The following ADAMTSL1 variants were observed in gnomAD, a reference collection of about 807,000 sequenced individuals.
ADAMTSL1 encodes the protein ADAMTS-like protein 1.
ADAMTSL1 carries 126 observed loss-of-function variants against 201.8 expected under a neutral mutation model. That is an observed-to-expected ratio of 0.62 (90% CI 0.54 to 0.72). ADAMTSL1 has a LOEUF of 0.72. Among genes scored for constraint, ADAMTSL1 ranks in the 30% least tolerant of loss-of-function variants. The probability of loss-of-function intolerance (pLI) is 0.00; values close to 1 mark genes in which losing one functional copy is unlikely to be tolerated. For missense variants in ADAMTSL1, 2,679 were observed against 2,277.8 expected (o/e 1.18, Z -3.59); for synonymous variants, 1,121 against 903.4 (o/e 1.24, Z -4.32).
chr9:18,262,792 T>G (rs1831973342), intron 2 of ADAMTSL1, among the ~76,000 whole-genome samples: 1 of 152,172 alleles, frequency 6.6e-6, no homozygotes, highest in South Asian at 2.1e-4. Flanking sequence ...TTTCTGCAAG[T>G]AGGAGAGCAA....
At chr9:18,399,330 A>ATATAT (rs1817890325) in intron 2 of ADAMTSL1, among the ~76,000 whole-genome samples, 2 of 56,626 alleles carry the variant, frequency 3.5e-5, no homozygotes, top group Non-Finnish European at 7.2e-5. Context: ...TATATATATA[A>ATATAT]AATTATTATT....
chr9:18,796,486 C>G (rs548829115), intron 20 of ADAMTSL1: 6 of 152,280 alleles, frequency 3.9e-5, no homozygotes, highest in African/African-American at 1.4e-4. Context: ...CTAGAAAAGC[C>G]AACATCACCC....
intron 6 of ADAMTSL1, among the ~76,000 whole-genome samples, chr9:18,637,233 G>A (rs1827160456): frequency 1.3e-5 from 2 of 152,118 alleles, no homozygotes. Context: ...GTGTTCACAT[G>A]TCAAAAGATA....
At chr9:18,080,501 G>A (rs1258357338) in intron 1 of ADAMTSL1, among the ~76,000 whole-genome samples, 45 of 152,170 alleles carry the variant, frequency 3.0e-4, no homozygotes, top group Admixed American at 2.9e-3. Context: ...GAAAGGGTAT[G>A]GACAGCAGCC....
chr9:18,844,110 T>C (rs980141409), intron 23 of ADAMTSL1, among the ~76,000 whole-genome samples: 1 of 152,254 alleles, frequency 6.6e-6, no homozygotes, highest in African/African-American at 2.4e-5. Flanking sequence ...GGAGAGGTGC[T>C]CTGTTTTTTA....
intron 2 of ADAMTSL1, among the ~76,000 whole-genome samples, chr9:18,368,361 G>A (rs1836878730): frequency 6.6e-6 from 1 of 152,190 alleles, no homozygotes. Context: ...CATGCTGACT[G>A]CTGTGGTAAC....
In ADAMTSL1 at chr9:18,392,691, T is replaced by A. The variant is rs372458993; in HGVS notation, c.208-112138T>A. ...GTAGGATGATGGAATCAACCAATCC[T>A]GTAGCTTGTAGAATTATGCAAAATA... is the stretch of plus-strand genomic sequence containing the variant. On this transcript the variant is annotated intron_variant, in intron 2 of 29. Transcript: ENST00000680146. Among the ~76,000 whole-genome samples, 161 of 152,346 alleles carry A rather than the reference T, an allele frequency of 1.1e-3. 5 individuals are homozygous for A. In the South Asian group the frequency reaches 0.018, roughly 17 times the overall value.
intron 7 of ADAMTSL1, among the ~76,000 whole-genome samples, chr9:18,644,254 A>G (rs1827636304): frequency 6.6e-6 from 1 of 151,978 alleles, no homozygotes; most frequent in African/African-American, 2.4e-5. Context: ...TTTATTGATT[A>G]GTTCTAAAAG....
At chr9:18,201,330 G>C (rs1005142266) in intron 2 of ADAMTSL1, among the ~76,000 whole-genome samples, 1 of 151,972 alleles carries the variant, frequency 6.6e-6, no homozygotes, top group Admixed American at 6.6e-5. Flanking sequence ...CTACTGTATT[G>C]GATGATGTCG....
intron 2 of ADAMTSL1, among the ~76,000 whole-genome samples, chr9:18,401,080 G>A (rs1036272956): frequency 1.3e-5 from 2 of 152,136 alleles, no homozygotes; most frequent in African/African-American, 2.4e-5. Flanking sequence ...AGAGACTGTG[G>A]CCATTAACCA....
intron 20 of ADAMTSL1, among the ~76,000 whole-genome samples, chr9:18,802,909 G>A (rs572477521): frequency 5.3e-5 from 8 of 152,156 alleles, no homozygotes; most frequent in African/African-American, 7.2e-5. Flanking sequence ...CCTCATGAGC[G>A]TGAAGTAGTA....
At chr9:18,047,426 C>G (rs1821714129) in intron 1 of ADAMTSL1, among the ~76,000 whole-genome samples, 1 of 152,082 alleles carries the variant, frequency 6.6e-6, no homozygotes, top group Non-Finnish European at 1.5e-5. Flanking sequence ...GGACAAGCCT[C>G]TATAACAAAA....
intron 2 of ADAMTSL1, among the ~76,000 whole-genome samples, chr9:18,385,180 C>T (rs1438136138): frequency 6.6e-6 from 1 of 152,088 alleles, no homozygotes; most frequent in Admixed American, 6.6e-5. Context: ...CTCTTTTACC[C>T]AACATAGAAA....
Position 17,911,483 on chromosome 9 carries a change from A to G in ADAMTSL1, c.87+4561A>G. Reference sequence around the variant, plus strand: ...TCCATTACTGTTGCTTAAAAATGTCACTTGCTGGCGGTTCATGTCCTTTTG... The same window carrying G: ...TCCATTACTGTTGCTTAAAAATGTCGCTTGCTGGCGGTTCATGTCCTTTTG... On this transcript the variant is annotated intron_variant, in intron 1 of 29. Coordinates refer to the ADAMTSL1 transcript ENST00000680146. 2.9e-5 allele frequency among the ~76,000 whole-genome samples: 2 copies of G among 68,372 alleles called. 1 individual carries two copies. 44.9% of individuals were successfully genotyped at this position (68,372 alleles called of 152,430 possible).
intron 1 of ADAMTSL1, among the ~76,000 whole-genome samples, chr9:18,144,643 T>G (rs146019135): frequency 2.6e-5 from 4 of 152,324 alleles, no homozygotes; most frequent in Admixed American, 2.6e-4. Context: ...ATTTACTTTC[T>G]ATTTTGGTTG....
intron 2 of ADAMTSL1, among the ~76,000 whole-genome samples, chr9:18,304,772 C>T (rs553263965): frequency 5.3e-5 from 8 of 152,062 alleles, no homozygotes; most frequent in Non-Finnish European, 7.4e-5. Context: ...TATTCCATAA[C>T]TCATATTTGC....
At chr9:17,953,356 G>A (rs957235919) in intron 1 of ADAMTSL1, among the ~76,000 whole-genome samples, 3 of 152,124 alleles carry the variant, frequency 2.0e-5, no homozygotes, top group Non-Finnish European at 4.4e-5. Flanking sequence ...CACTGAGAAG[G>A]GAACAACTGA....
chr9:18,389,201 A>T (rs1326211461), intron 2 of ADAMTSL1, among the ~76,000 whole-genome samples: 1 of 151,018 alleles, frequency 6.6e-6, no homozygotes, highest in Non-Finnish European at 1.5e-5. Context: ...TTTTTTTAAG[A>T]AATTGAACAG....
intron 13 of ADAMTSL1, among the ~76,000 whole-genome samples, chr9:18,686,987 TTTACTC>T (rs1209161970): frequency 6.6e-6 from 1 of 152,228 alleles, no homozygotes; most frequent in Non-Finnish European, 1.5e-5. Flanking sequence ...ACTATTAAAA[TTTACTC>T]TTAGTGTAAT....
Sources: gnomAD v4.1 joint callset for allele counts (sites outside exome capture counted in the v4.1 genomes callset) on GRCh38, gnomAD v4.1.1 for gene constraint, MANE v1.5 for transcripts, NCBI Gene and HGNC (gene_info 2026-07-23, HGNC 2026-07-21) for gene names.